RAB8A: variants seen among roughly 807,000 people sequenced by gnomAD.
RAB8A encodes the protein RAB8A, member RAS oncogene family.
Under a neutral mutation model 29.2 loss-of-function variants are expected in RAB8A, and 5 were observed. The ratio of observed to expected loss-of-function variants is 0.17; its 90% CI spans 0.09 to 0.36. The LOEUF (loss-of-function observed/expected upper bound fraction) is 0.36. Among genes scored for constraint, RAB8A ranks in the 10% least tolerant of loss-of-function variants. RAB8A has a pLI of 1.00. For synonymous variants in RAB8A, 108 were observed against 99.9 expected (o/e 1.08, Z -0.49); for missense variants, 171 against 272.2 (o/e 0.63, Z 2.62).
intron 1 of RAB8A, 134 bp from the exon 2 acceptor site, chr19:16,118,092 C>A (rs779914047): frequency 8.7e-6 from 6 of 687,574 alleles, no homozygotes; most frequent in African/African-American, 1.8e-5. Context: ...ATTCCGACAT[C>A]CTGCATGCCC....
chr19:16,125,563 T>C lies in RAB8A; in HGVS notation c.324+16T>C. 2.5e-6 allele frequency: 4 copies of C among 1,605,058 alleles called. No individual in the cohort carries two copies. The highest frequency in any genetic ancestry group is 2.6e-6 in the Non-Finnish European group (3 of 1,172,348). ...CATTGAGGAGGTGAGGCCCTCCGGCTCCTCCCACTGTCCCTGCTTCAGTCC... is the reference window on the plus strand; with the variant it reads ...CATTGAGGAGGTGAGGCCCTCCGGCCCCTCCCACTGTCCCTGCTTCAGTCC... On this transcript the variant is annotated intron_variant, in intron 4 of 7. Transcript: ENST00000300935. The surrounding 1 kb of genome is among the most constrained non-coding windows in gnomAD (Gnocchi z 5.0).
Position 16,125,884 on chromosome 19 carries a change from G to A in RAB8A, c.324+337G>A. On this transcript the variant is annotated intron_variant, in intron 4 of 7. Transcript: ENST00000300935. The surrounding 1 kb of genome is among the most constrained non-coding windows in gnomAD (Gnocchi z 5.0). ...AGAGAAGGAAGGGTCTAGCACAGGT[G>A]TGACCCTTGTAGTTGGAGGGTGTGG... 1 of 427,042 alleles carries A rather than the reference G, an allele frequency of 2.3e-6. No homozygotes were observed. The highest frequency in any genetic ancestry group is 5.0e-5 in the East Asian group (1 of 19,852). The allele number at this position is 427,042 out of a possible 1,614,324, so 26.5% of individuals were successfully genotyped here.
In RAB8A at chr19:16,127,615, G is replaced by A; in HGVS notation, c.414+89G>A. ...CCCCTGTCCCTCCTCTGCCCCAGGG[G>A]CCTGAGACGAGTTGGTCACCCCAGT... is the stretch of plus-strand genomic sequence containing the variant. On this transcript the variant is annotated intron_variant, in intron 5 of 7. Coordinates refer to ENST00000300935, the MANE Select transcript of RAB8A (RefSeq NM_005370.5). The surrounding 1 kb of genome is among the most constrained non-coding windows in gnomAD (Gnocchi z 4.8). 2 of 1,091,348 alleles carry A rather than the reference G, an allele frequency of 1.8e-6. No homozygotes were observed. Among genetic ancestry groups the A allele is most frequent in the Non-Finnish European group, 2.5e-6 (2 of 784,520 alleles). 67.6% of individuals were successfully genotyped at this position (1,091,348 alleles called of 1,614,324 possible). A position where few individuals can be genotyped will look rare whatever the true frequency, so the allele number is the denominator to read the frequency against.
chr19:16,119,432 C>T (rs1307600609), intron 2 of RAB8A, among the ~76,000 whole-genome samples: 2 of 152,058 alleles, frequency 1.3e-5, no homozygotes, highest in African/African-American at 2.4e-5. Context: ...CTCCAACTCC[C>T]GACCTCAGGT....
At chr19:16,130,111 C>G (rs528576625) in intron 7 of RAB8A, among the ~76,000 whole-genome samples, 4 of 151,960 alleles carry the variant, frequency 2.6e-5, no homozygotes, top group Non-Finnish European at 5.9e-5. Context: ...CCAGGGAAGT[C>G]TGCATGAATC....
chr19:16,115,043 T>C (rs1169852622), intron 1 of RAB8A, among the ~76,000 whole-genome samples: 2 of 152,182 alleles, frequency 1.3e-5, no homozygotes, highest in Non-Finnish European at 2.9e-5. Flanking sequence ...TGTACACGTG[T>C]GACAGGAAAT....
chr19:16,113,096 GTGA>G (rs1459468291), intron 1 of RAB8A, among the ~76,000 whole-genome samples: 1 of 152,242 alleles, frequency 6.6e-6, no homozygotes, highest in Non-Finnish European at 1.5e-5. Flanking sequence ...CATCTCAGTT[GTGA>G]TGTCCACAGA....
chr19:16,128,191 AC>A, intron 6 of RAB8A, 100 bp downstream of exon 6: 1 of 1,302,060 alleles, frequency 7.7e-7, no homozygotes, highest in Non-Finnish European at 1.1e-6. Context: ...TGCCAGACGG[AC>A]CAGCCTCGGG....
rs186446785 is a variant in RAB8A at position 16,127,158 on chromosome 19, G to A, written c.325-279G>A. 2.3e-3 allele frequency among the ~76,000 whole-genome samples: 346 copies of A among 152,300 alleles called. No homozygotes were observed. Among genetic ancestry groups the A allele is most frequent in the African/African-American group, 8.0e-3 (333 of 41,570 alleles). On this transcript the variant is annotated intron_variant, in intron 4 of 7. Coordinates refer to ENST00000300935, the MANE Select transcript of RAB8A (RefSeq NM_005370.5). The surrounding 1 kb of genome is among the most constrained non-coding windows in gnomAD (Gnocchi z 4.8). Reference sequence around the variant, plus strand: ...ACCCGCCCAGCATCCCAGGTGCGGGGGCTTGATTGATACAGCCATAGAAGC... The same window carrying A: ...ACCCGCCCAGCATCCCAGGTGCGGGAGCTTGATTGATACAGCCATAGAAGC...
intron 1 of RAB8A, among the ~76,000 whole-genome samples, chr19:16,114,480 G>A (rs1031871485): frequency 6.8e-6 from 1 of 146,990 alleles, no homozygotes; most frequent in African/African-American, 2.5e-5. Flanking sequence ...AGGTTCCAGC[G>A]ATTCTCCTGT....
At chr19:16,126,733 T>C (rs7249923) in intron 4 of RAB8A, 98,673 of 152,106 alleles carry the variant, frequency 0.65, 32,203 homozygotes, top group Admixed American at 0.7. Context: ...CGAGGTGGCT[T>C]ATGCCTGTAA....
intron 3 of RAB8A, 90 bp downstream of exon 3, chr19:16,121,900 C>A: frequency 7.6e-7 from 1 of 1,313,468 alleles, no homozygotes; most frequent in Non-Finnish European, 1.1e-6. Context: ...CTAGATGTTT[C>A]TGTGGAGCCC....
At chr19:16,118,115 G>A (rs1444991809) in intron 1 of RAB8A, 111 bp from the exon 2 acceptor site, 10 of 814,016 alleles carry the variant, frequency 1.2e-5, no homozygotes. Flanking sequence ...CACCAGGCAG[G>A]GTCTCCGTAA....
chr19:16,127,906 C>A lies in RAB8A; in HGVS notation c.415-120C>A. The A allele has an allele frequency of 1.0e-6, 1 of 999,172 alleles. No individual in the cohort carries two copies. The highest frequency in any genetic ancestry group is 1.6e-6 in the Non-Finnish European group (1 of 636,746). The allele number at this position is 999,172 out of a possible 1,614,324, so 61.9% of individuals were successfully genotyped here. On this transcript the variant is annotated intron_variant, in intron 5 of 7. Coordinates refer to ENST00000300935, the MANE Select transcript of RAB8A (RefSeq NM_005370.5). This position sits in a 1 kb window ranked among gnomAD's most constrained non-coding sequence, Gnocchi z 4.8. ...GGAGTGATCCAGGAAGTCACGCCCA[C>A]AGCCCCAGCCCTGTTGCTGCTCCCT...
chr19:16,118,352 C>A (rs905253591), intron 2 of RAB8A, 66 bp downstream of exon 2: 10 of 1,437,034 alleles, frequency 7.0e-6, no homozygotes. Flanking sequence ...AGCCCTTGGC[C>A]TTCTCCCTCC....
Position 16,129,128 on chromosome 19 carries a change from T to C in RAB8A, c.481-426T>C, listed in dbSNP as rs80118989. ...AAGGGAGGCCAGAGCTGACAGAACC[T>C]AGGAGTCAGAGACAAAGAACTGGGC... is the stretch of plus-strand genomic sequence containing the variant. On this transcript the variant is annotated intron_variant, in intron 6 of 7. Coordinates refer to ENST00000300935, the MANE Select transcript of RAB8A (RefSeq NM_005370.5). Among the ~76,000 whole-genome samples, 521 of 151,180 alleles carry C rather than the reference T, an allele frequency of 3.4e-3. 4 individuals are homozygous for C. Among genetic ancestry groups the C allele is most frequent in the Non-Finnish European group, 6.2e-3 (418 of 67,738 alleles).
intron 2 of RAB8A, among the ~76,000 whole-genome samples, chr19:16,120,981 A>G (rs1396032641): frequency 1.3e-5 from 2 of 149,320 alleles, no homozygotes; most frequent in South Asian, 2.1e-4. Flanking sequence ...CAGTGGTGCA[A>G]TCTCGGCTCA....
intron 2 of RAB8A, among the ~76,000 whole-genome samples, chr19:16,119,363 G>A (rs890953221): frequency 7.9e-5 from 12 of 151,960 alleles, no homozygotes; most frequent in South Asian, 2.1e-4. Context: ...GCACCACCAC[G>A]CCCAACTAAT....
chr19:16,118,711 T>A (rs1485447072), intron 2 of RAB8A, among the ~76,000 whole-genome samples: 1 of 152,178 alleles, frequency 6.6e-6, no homozygotes, highest in East Asian at 1.9e-4. Flanking sequence ...AAGGTCCAAC[T>A]TCACTTCCTC....
Sources: allele counts gnomAD v4.1 joint callset (sites outside exome capture counted in the v4.1 genomes callset), GRCh38; gene constraint gnomAD v4.1.1; non-coding constraint Gnocchi (gnomAD v3.1); transcripts MANE v1.5; gene names NCBI Gene and HGNC (gene_info 2026-07-23, HGNC 2026-07-21).